The following KCNB2 variants were observed in gnomAD, a reference collection of about 807,000 sequenced individuals.
KCNB2 encodes the protein delayed rectifier potassium channel protein.
Under a neutral mutation model 61.5 loss-of-function variants are expected in KCNB2, and 15 were observed. The ratio of observed to expected loss-of-function variants is 0.24; its 90% CI spans 0.16 to 0.38. The LOEUF (loss-of-function observed/expected upper bound fraction) is 0.38. Among genes scored for constraint, KCNB2 ranks in the 10% least tolerant of loss-of-function variants. The pLI is 1.00. For missense variants in KCNB2, 828 were observed against 1,125.2 expected, an observed-to-expected ratio of 0.74 and a Z score of 3.78; for synonymous variants, 457 against 446.0, an observed-to-expected ratio of 1.02 and a Z score of -0.31.
intron 2 of KCNB2, among the ~76,000 whole-genome samples, chr8:72,698,378 G>A (rs879338705): frequency 2.0e-5 from 3 of 152,034 alleles, no homozygotes; most frequent in Admixed American, 6.6e-5. Flanking sequence ...TAAACAAATG[G>A]AAAAACATTC....
chr8:72,927,128 G>A (rs986833869), intron 2 of KCNB2, among the ~76,000 whole-genome samples: 1 of 152,148 alleles, frequency 6.6e-6, no homozygotes, highest in Non-Finnish European at 1.5e-5. Context: ...CTGGAGTGAT[G>A]TGGTTGTTCT....
At chr8:72,851,839 A>AAAAAAAAAAAC (rs1554538991) in intron 2 of KCNB2, among the ~76,000 whole-genome samples, 1 of 145,980 alleles carries the variant, frequency 6.9e-6, no homozygotes, top group African/African-American at 2.6e-5. Flanking sequence ...AAAAAAAAAA[A>AAAAAAAAAAAC]AAAAAAAAAC....
At chr8:72,930,680 G>A (rs1410192543) in intron 2 of KCNB2, among the ~76,000 whole-genome samples, 1 of 152,240 alleles carries the variant, frequency 6.6e-6, no homozygotes. Flanking sequence ...TGAGTTCATT[G>A]TAGATTCTGG....
chr8:72,638,543 C>T (rs1035802691), intron 2 of KCNB2, among the ~76,000 whole-genome samples: 40 of 152,108 alleles, frequency 2.6e-4, no homozygotes, highest in African/African-American at 9.4e-4. Flanking sequence ...AGCATTTCTA[C>T]TTGTATAGTT....
chr8:72,798,696 T>G (rs150918703), intron 2 of KCNB2, among the ~76,000 whole-genome samples: 1,591 of 152,260 alleles, frequency 0.01, 105 homozygotes, highest in Admixed American at 0.098. Flanking sequence ...CCATTTCTAT[T>G]TCCTTACTTC....
chr8:72,583,825 T>C (rs988536811), intron 2 of KCNB2, among the ~76,000 whole-genome samples: 3 of 152,076 alleles, frequency 2.0e-5, no homozygotes, highest in Non-Finnish European at 4.4e-5. Flanking sequence ...TTACATTTCA[T>C]GTCTTTCATC....
At chr8:72,653,931 CTG>C (rs1300169554) in intron 2 of KCNB2, among the ~76,000 whole-genome samples, 2 of 152,120 alleles carry the variant, frequency 1.3e-5, no homozygotes, top group Admixed American at 6.6e-5. Context: ...TCTTTTTTAT[CTG>C]TTTCTAATTT....
chr8:72,571,741 C>T (rs1351966484), intron 2 of KCNB2, among the ~76,000 whole-genome samples: 1 of 152,048 alleles, frequency 6.6e-6, no homozygotes, highest in Non-Finnish European at 1.5e-5. Flanking sequence ...GGAACAACTC[C>T]CTGGGTTACC....
intron 2 of KCNB2, among the ~76,000 whole-genome samples, chr8:72,909,049 C>G (rs1806230674): frequency 6.6e-6 from 1 of 152,146 alleles, no homozygotes; most frequent in Admixed American, 6.5e-5. Context: ...TGGTCATGTA[C>G]CAAGTCCTGG....
intron 2 of KCNB2, among the ~76,000 whole-genome samples, chr8:72,613,257 GA>G (rs1441231480): frequency 6.6e-6 from 1 of 151,808 alleles, no homozygotes; most frequent in Non-Finnish European, 1.5e-5. Context: ...ATCATAGCAA[GA>G]AAAAAAACCC....
intron 1 of KCNB2, among the ~76,000 whole-genome samples, chr8:72,550,122 T>A (rs1193131317): frequency 1.3e-5 from 2 of 152,230 alleles, no homozygotes; most frequent in Non-Finnish European, 2.9e-5. Flanking sequence ...AATGGATGAT[T>A]CCAAAAGACA....
At chr8:72,659,221 T>C (rs972599100) in intron 2 of KCNB2, among the ~76,000 whole-genome samples, 3 of 152,126 alleles carry the variant, frequency 2.0e-5, no homozygotes, top group Admixed American at 1.3e-4. Flanking sequence ...AACAGGAATT[T>C]GAAATAAGTT....
At chr8:72,581,396 G>T (rs142816970) in intron 2 of KCNB2, among the ~76,000 whole-genome samples, 107 of 152,260 alleles carry the variant, frequency 7.0e-4, no homozygotes, top group African/African-American at 2.6e-3. Flanking sequence ...GCTCAGCTAG[G>T]TTGCAGCACT....
chr8:72,601,676 G>A (rs1805353806), intron 2 of KCNB2, among the ~76,000 whole-genome samples: 1 of 152,158 alleles, frequency 6.6e-6, no homozygotes, highest in Admixed American at 6.5e-5. Flanking sequence ...CAGGCAAGAT[G>A]AGTTGTCACT....
At chr8:72,725,885 G>A (rs1335624501) in intron 2 of KCNB2, among the ~76,000 whole-genome samples, 1 of 151,760 alleles carries the variant, frequency 6.6e-6, no homozygotes, top group Non-Finnish European at 1.5e-5. Context: ...TTTTTAAAAG[G>A]CCTCTAAAAG....
At chr8:72,567,599 C>A in intron 1 of KCNB2, 43 bp from the exon 2 acceptor site, 1 of 642,574 alleles carries the variant, frequency 1.6e-6, no homozygotes, top group East Asian at 2.6e-5. Context: ...CAGAAACACT[C>A]TAGGAAAATG....
intron 2 of KCNB2, among the ~76,000 whole-genome samples, chr8:72,855,675 G>A (rs947111628): frequency 6.6e-6 from 1 of 151,970 alleles, no homozygotes; most frequent in African/African-American, 2.4e-5. Context: ...TATAGCTTCT[G>A]GTAAACAAAA....
At chr8:72,909,105 C>T (rs890357988) in intron 2 of KCNB2, among the ~76,000 whole-genome samples, 4 of 152,056 alleles carry the variant, frequency 2.6e-5, no homozygotes, top group Admixed American at 2.6e-4. Flanking sequence ...GGCCACTGTC[C>T]TTGCAAACCT....
intron 2 of KCNB2, among the ~76,000 whole-genome samples, chr8:72,659,573 T>G (rs530256788): frequency 6.6e-6 from 1 of 152,234 alleles, no homozygotes; most frequent in African/African-American, 2.4e-5. Context: ...GAGATGCACA[T>G]TGAAACTGTG....
Sources: gnomAD v4.1 joint callset for allele counts (sites outside exome capture counted in the v4.1 genomes callset) on GRCh38, gnomAD v4.1.1 for gene constraint, MANE v1.5 for transcripts, NCBI Gene and HGNC (gene_info 2026-07-23, HGNC 2026-07-21) for gene names.